Variants in ATP8A2 observed in about 807,000 individuals in gnomAD.
ATP8A2 encodes the protein ATPase phospholipid transporting 8A2.
ATP8A2 carries 100 observed loss-of-function variants against 165.6 expected under a neutral mutation model. The ratio of observed to expected loss-of-function variants is 0.60; its 90% CI spans 0.51 to 0.71. The LOEUF is 0.71. Among genes scored for constraint, ATP8A2 ranks in the 30% least tolerant of loss-of-function variants. ATP8A2 has a pLI of 0.00. For missense variants in ATP8A2, 1,227 were observed against 1,479.5 expected (o/e 0.83, Z 2.80); for synonymous variants, 543 against 548.8 (o/e 0.99, Z 0.15).
chr13:25,941,378 T>C (rs551493023), intron 33 of ATP8A2, among the ~76,000 whole-genome samples: 2 of 152,208 alleles, frequency 1.3e-5, no homozygotes, highest in African/African-American at 4.8e-5. Flanking sequence ...CAGCCCTCTT[T>C]CCTCACAGGC....
chr13:26,019,952 T>C lies in ATP8A2; in HGVS notation c.3534T>C (p.Tyr1178=), dbSNP rs1414277405. ...AVSQEEVIRA[Y]DTTKKKSRKK is the part of the protein sequence containing the mutation. Reference sequence around the variant, plus strand: ...GTCAGGAAGAAGTCATCCGTGCTTATGACACCACCAAAAAGAAATCCAGGA... The same window carrying C: ...GTCAGGAAGAAGTCATCCGTGCTTACGACACCACCAAAAAGAAATCCAGGA... The change falls in exon 37 of 37, where the codon TAT becomes TAC. Residue 1178 remains tyrosine, a synonymous_variant. Transcript: ENST00000381655. 1 of 1,613,860 alleles carries C rather than the reference T, an allele frequency of 6.2e-7. No individual in the cohort carries two copies. Among genetic ancestry groups the C allele is most frequent in the African/African-American group, 1.3e-5 (1 of 74,944 alleles).
intron 24 of ATP8A2, among the ~76,000 whole-genome samples, chr13:25,643,222 A>G (rs567747485): frequency 1.3e-5 from 2 of 152,196 alleles, no homozygotes; most frequent in Non-Finnish European, 2.9e-5. Context: ...TAATAATTTA[A>G]AAAAGAATAT....
intron 25 of ATP8A2, among the ~76,000 whole-genome samples, chr13:25,768,511 G>A (rs1455280079): frequency 6.6e-6 from 1 of 151,676 alleles, no homozygotes; most frequent in Non-Finnish European, 1.5e-5. Context: ...ATTTTCTGGG[G>A]CGGATGTAGG....
chr13:25,787,097 C>G (rs1310312418), intron 27 of ATP8A2, among the ~76,000 whole-genome samples: 1 of 152,186 alleles, frequency 6.6e-6, no homozygotes, highest in South Asian at 2.1e-4. Context: ...TACTATGACT[C>G]TTGACAAACA....
intron 24 of ATP8A2, among the ~76,000 whole-genome samples, chr13:25,596,038 A>G (rs755406400): frequency 1.9e-4 from 29 of 152,200 alleles, no homozygotes; most frequent in Non-Finnish European, 3.1e-4. Flanking sequence ...TTTAGGCTGC[A>G]TATGTCGGGC....
intron 2 of ATP8A2, among the ~76,000 whole-genome samples, chr13:25,512,737 AC>A (rs1246376046): frequency 1.6e-4 from 17 of 106,536 alleles, no homozygotes; most frequent in East Asian, 6.3e-4. Context: ...CGGGGGGCTG[AC>A]CCCCCCCACC....
intron 25 of ATP8A2, among the ~76,000 whole-genome samples, chr13:25,738,286 C>T (rs1374531184): frequency 6.6e-6 from 1 of 151,938 alleles, no homozygotes; most frequent in Admixed American, 6.6e-5. Flanking sequence ...GACACTCCCT[C>T]TTGTCTCTTG....
Position 25,589,672 on chromosome 13 carries a change from T to C in ATP8A2, c.2184T>C (p.Leu728=). The C allele has an allele frequency of 6.2e-7, 1 of 1,611,854 alleles. No individual in the cohort carries two copies. Among genetic ancestry groups the C allele is most frequent in the Non-Finnish European group, 8.5e-7 (1 of 1,178,168 alleles). ...SCRLVSQNMA[L]ILLKEDSLDA... ...GATTGGTATCGCAGAATATGGCCCT[T>C]ATCCTATTGAAGGAGGACTCTTTGG... is the stretch of plus-strand genomic sequence containing the variant. The change falls in exon 24 of 37, where the codon CTT becomes CTC. Residue 728 remains leucine, a synonymous_variant. Transcript: ENST00000381655.
intron 26 of ATP8A2, 49 bp downstream of exon 26, chr13:25,769,278 C>A (rs766778699): frequency 1.3e-6 from 2 of 1,557,282 alleles, no homozygotes; most frequent in East Asian, 2.3e-5. Context: ...GAGATGATAG[C>A]TGGGCATGAG....
intron 25 of ATP8A2, among the ~76,000 whole-genome samples, chr13:25,699,697 G>A (rs962666917): frequency 6.6e-6 from 1 of 152,192 alleles, no homozygotes; most frequent in African/African-American, 2.4e-5. Context: ...CTTCCAAGAT[G>A]TGTGGGGCTT....
At chr13:25,937,362 C>CTTTCTTTCTTTTTTTTTTTTTTTTTTTT in intron 33 of ATP8A2, among the ~76,000 whole-genome samples, 2 of 38,798 alleles carry the variant, frequency 5.2e-5, no homozygotes, top group Non-Finnish European at 1.1e-4. Flanking sequence ...TTCTTTCTTT[C>CTTTCTTTCTTTTTTTTTTTTTTTTTTTT]TTTTTTTTTT....
At chr13:25,814,815 C>T (rs1459524217) in intron 27 of ATP8A2, among the ~76,000 whole-genome samples, 1 of 151,948 alleles carries the variant, frequency 6.6e-6, no homozygotes, top group Non-Finnish European at 1.5e-5. Flanking sequence ...AAGGAATTTG[C>T]GACCAGTCTG....
chr13:25,896,169 T>C (rs1192357806), intron 33 of ATP8A2, among the ~76,000 whole-genome samples: 1 of 152,256 alleles, frequency 6.6e-6, no homozygotes, highest in African/African-American at 2.4e-5. Flanking sequence ...TGTGGGCATT[T>C]AGTGCTATAA....
Position 25,908,664 on chromosome 13 carries a change from A to G in ATP8A2, c.3183+46256A>G, listed in dbSNP as rs186368368. Reference sequence around the variant, plus strand: ...GTTCAAGCCTCAAGGGGGCTGAGCCAAAGCTGGCATGACTTGCTCTTCAGC... The same window carrying G: ...GTTCAAGCCTCAAGGGGGCTGAGCCGAAGCTGGCATGACTTGCTCTTCAGC... On this transcript the variant is annotated intron_variant, in intron 33 of 36. Coordinates refer to ENST00000381655, the MANE Select transcript of ATP8A2 (RefSeq NM_016529.6). 2.0e-4 allele frequency among the ~76,000 whole-genome samples: 30 copies of G among 152,364 alleles called. 1 individual carries two copies. The East Asian group carries it at 5.6e-3, about 28-fold the overall frequency.
At chr13:25,979,018 G>A (rs911983662) in intron 35 of ATP8A2, among the ~76,000 whole-genome samples, 4 of 152,108 alleles carry the variant, frequency 2.6e-5, no homozygotes, top group Non-Finnish European at 4.4e-5. Flanking sequence ...ACAGCACAGA[G>A]CATGTCCTCC....
At chr13:25,717,472 G>T (rs2138012918) in intron 25 of ATP8A2, among the ~76,000 whole-genome samples, 1 of 146,980 alleles carries the variant, frequency 6.8e-6, no homozygotes, top group East Asian at 2.0e-4. Flanking sequence ...AGCAGCAGCA[G>T]ACAAAACCAA....
At chr13:25,808,620 T>C (rs923279738) in intron 27 of ATP8A2, among the ~76,000 whole-genome samples, 20 of 151,732 alleles carry the variant, frequency 1.3e-4, no homozygotes, top group Non-Finnish European at 1.8e-4. Context: ...AAAATTTTTT[T>C]TTTGTAGAGT....
chr13:25,443,485 C>T (rs1593314287), intron 1 of ATP8A2, among the ~76,000 whole-genome samples: 1 of 152,154 alleles, frequency 6.6e-6, no homozygotes, highest in Non-Finnish European at 1.5e-5. Context: ...GGTGAGACAA[C>T]TGCTGTTCTA....
chr13:25,720,760 T>C (rs1175539955), intron 25 of ATP8A2, among the ~76,000 whole-genome samples: 1 of 152,198 alleles, frequency 6.6e-6, no homozygotes, highest in Non-Finnish European at 1.5e-5. Flanking sequence ...CTTGCTTCTT[T>C]TGAGTCTAAC....
Sources: gnomAD v4.1 joint callset for allele counts (sites outside exome capture counted in the v4.1 genomes callset) on GRCh38, gnomAD v4.1.1 for gene constraint, MANE v1.5 for transcripts, NCBI Gene and HGNC (gene_info 2026-07-23, HGNC 2026-07-21) for gene names.